The following FARS2 variants were observed in gnomAD, a reference collection of about 807,000 sequenced individuals.
FARS2 encodes phenylalanine--tRNA ligase, mitochondrial.
FARS2 carries 40 observed loss-of-function variants against 46.4 expected under a neutral mutation model. The ratio of observed to expected loss-of-function variants is 0.86; its 90% confidence interval spans 0.67 to 1.12. The LOEUF (loss-of-function observed/expected upper bound fraction) is 1.12. Ranked by LOEUF, FARS2 falls within the 50% of genes most tolerant of loss-of-function variation. The pLI is 0.00. For missense variants in FARS2, 513 were observed against 567.9 expected (o/e 0.90, Z 0.98); for synonymous variants, 234 against 214.9 (o/e 1.09, Z -0.78).
At chr6:5,538,838 C>T (rs2150480417) in intron 4 of FARS2, among the ~76,000 whole-genome samples, 1 of 152,272 alleles carries the variant, frequency 6.6e-6, no homozygotes, top group African/African-American at 2.4e-5. Flanking sequence ...TTTCTTGCAA[C>T]CCTCCATGAA....
At chr6:5,725,710 T>G (rs1048895595) in intron 6 of FARS2, among the ~76,000 whole-genome samples, 12 of 152,148 alleles carry the variant, frequency 7.9e-5, no homozygotes, top group Non-Finnish European at 1.2e-4. Flanking sequence ...CCAAAGCTGG[T>G]GGATCAGTTG....
chr6:5,332,969 A>G (rs893364286), intron 1 of FARS2, among the ~76,000 whole-genome samples: 1 of 152,212 alleles, frequency 6.6e-6, no homozygotes, highest in African/African-American at 2.4e-5. Context: ...AGGTTTATAG[A>G]CCAAATCAAG....
chr6:5,567,444 A>G (rs1490273814), intron 5 of FARS2, among the ~76,000 whole-genome samples: 1 of 152,264 alleles, frequency 6.6e-6, no homozygotes, highest in African/African-American at 2.4e-5. Flanking sequence ...AATTGCTGCC[A>G]GTACAGATTA....
intron 6 of FARS2, among the ~76,000 whole-genome samples, chr6:5,693,010 C>T (rs780448378): frequency 7.2e-5 from 11 of 152,106 alleles, no homozygotes; most frequent in South Asian, 4.2e-4. Flanking sequence ...TTCCCCATCC[C>T]GTTGTTTTGT....
intron 1 of FARS2, among the ~76,000 whole-genome samples, chr6:5,317,916 C>T (rs1236500840): frequency 6.6e-6 from 1 of 152,026 alleles, no homozygotes. Flanking sequence ...CTCTGGAGGG[C>T]TTCACTCTTG....
chr6:5,286,922 G>T (rs1767159540), intron 1 of FARS2, among the ~76,000 whole-genome samples: 1 of 152,210 alleles, frequency 6.6e-6, no homozygotes, highest in Admixed American at 6.5e-5. Context: ...GTTCGCCTCT[G>T]AACCCGTAGT....
intron 3 of FARS2, among the ~76,000 whole-genome samples, chr6:5,427,536 G>T (rs1762920800): frequency 6.6e-6 from 1 of 152,084 alleles, no homozygotes; most frequent in Admixed American, 6.5e-5. Flanking sequence ...AGGATCTCAG[G>T]GGGTAAAAAG....
Position 5,505,214 on chromosome 6 carries a change from A to C in FARS2, c.905-39966A>C, listed in dbSNP as rs148844995. Among the ~76,000 whole-genome samples, 72 of 152,356 alleles carry C rather than the reference A, an allele frequency of 4.7e-4. 1 individual carries two copies. Among genetic ancestry groups the C allele is most frequent in the Middle Eastern group, 3.4e-3 (1 of 294 alleles). ...TAGGTTTAAAACATGGTAGAATTCA[A>C]AACGCTGAGATTAGATGGAAAAGGC... On this transcript the variant is annotated intron_variant, in intron 4 of 6. Transcript: ENST00000274680.
intron 1 of FARS2, among the ~76,000 whole-genome samples, chr6:5,337,964 A>G (rs1373547371): frequency 6.6e-6 from 1 of 152,210 alleles, no homozygotes; most frequent in Non-Finnish European, 1.5e-5. Context: ...TTTTGGTAGA[A>G]CAATTAGACT....
chr6:5,760,171 G>A (rs764869455), intron 6 of FARS2, among the ~76,000 whole-genome samples: 6 of 152,198 alleles, frequency 3.9e-5, no homozygotes, highest in Non-Finnish European at 7.3e-5. Flanking sequence ...AACGGACACT[G>A]AGTCTTAAAG....
intron 1 of FARS2, among the ~76,000 whole-genome samples, chr6:5,345,669 T>TA (rs1470474659): frequency 2.6e-5 from 4 of 152,192 alleles, no homozygotes; most frequent in East Asian, 1.9e-4. Context: ...AGCCCACAAT[T>TA]AAATGCTGTA....
intron 1 of FARS2, among the ~76,000 whole-genome samples, chr6:5,280,906 C>T (rs1766677613): frequency 6.6e-6 from 1 of 152,080 alleles, no homozygotes; most frequent in Admixed American, 6.6e-5. Flanking sequence ...TTTTTAGTGA[C>T]ATTTTATGAT....
intron 4 of FARS2, among the ~76,000 whole-genome samples, chr6:5,502,657 G>A (rs1452247703): frequency 6.6e-6 from 1 of 152,206 alleles, no homozygotes; most frequent in Non-Finnish European, 1.5e-5. Context: ...ACACAATGCA[G>A]CATTTTTGCA....
chr6:5,296,505 A>G (rs1279242019), intron 1 of FARS2, among the ~76,000 whole-genome samples: 1 of 152,126 alleles, frequency 6.6e-6, no homozygotes, highest in African/African-American at 2.4e-5. Context: ...TCATGTAACC[A>G]TCACCACTAC....
chr6:5,368,065 G>C (rs942414620), intron 1 of FARS2, among the ~76,000 whole-genome samples: 6 of 152,174 alleles, frequency 3.9e-5, no homozygotes, highest in African/African-American at 7.2e-5. Flanking sequence ...GCAGAAATGT[G>C]AAGGATGGCT....
chr6:5,537,861 C>T (rs1770317742), intron 4 of FARS2, among the ~76,000 whole-genome samples: 1 of 152,182 alleles, frequency 6.6e-6, no homozygotes. Flanking sequence ...TTCTCCTCCT[C>T]CTCCACTTTC....
chr6:5,316,007 A>T (rs1306917024), intron 1 of FARS2, among the ~76,000 whole-genome samples: 1 of 152,204 alleles, frequency 6.6e-6, no homozygotes, highest in Non-Finnish European at 1.5e-5. Context: ...TTCGTTATGG[A>T]GAGGTATGCC....
chr6:5,692,176 G>T (rs966223914), intron 6 of FARS2, among the ~76,000 whole-genome samples: 2 of 152,320 alleles, frequency 1.3e-5, no homozygotes, highest in African/African-American at 4.8e-5. Flanking sequence ...CTCATGCTCG[G>T]TGCGCTGCAC....
intron 4 of FARS2, among the ~76,000 whole-genome samples, chr6:5,448,002 A>G (rs1157681734): frequency 6.6e-6 from 1 of 152,250 alleles, no homozygotes; most frequent in Non-Finnish European, 1.5e-5. Context: ...CACAATAGGA[A>G]GGCAGGGCCT....
Sources: gnomAD v4.1 joint callset for allele counts (sites outside exome capture counted in the v4.1 genomes callset) on GRCh38, gnomAD v4.1.1 for gene constraint, MANE v1.5 for transcripts, NCBI Gene and HGNC (gene_info 2026-07-23, HGNC 2026-07-21) for gene names.